The following NOL10 variants were observed in gnomAD, a reference collection of about 807,000 sequenced individuals.
NOL10 encodes the protein nucleolar protein 10.
NOL10 carries 58 observed loss-of-function variants against 103.5 expected under a neutral mutation model. The observed-to-expected ratio is 0.56, with a 90% CI of 0.45 to 0.70. NOL10 has a LOEUF of 0.70. Ranked by LOEUF, NOL10 falls within the 30% of genes least tolerant of loss-of-function variation. The pLI, the probability that NOL10 is intolerant of heterozygous loss-of-function variation, is 0.00. For missense variants in NOL10, 763 were observed against 807.3 expected (o/e 0.95, Z 0.67); for synonymous variants, 287 against 282.5 (o/e 1.02, Z -0.16).
intron 13 of NOL10, among the ~76,000 whole-genome samples, chr2:10,632,001 G>A (rs1158574091): frequency 1.3e-5 from 2 of 152,164 alleles, no homozygotes; most frequent in Non-Finnish European, 2.9e-5. Context: ...TTTAATAGTA[G>A]TAGCAGAAAA....
intron 13 of NOL10, among the ~76,000 whole-genome samples, chr2:10,624,302 G>A (rs1288877447): frequency 1.3e-5 from 2 of 151,772 alleles, no homozygotes; most frequent in Admixed American, 6.6e-5. Flanking sequence ...TCTGGTTTTC[G>A]TCGTGCCACT....
rs1295575319 is a variant in NOL10, at chr2:10,657,873, G to A, written c.775C>T (p.Arg259Ter). Residue 259 changes from arginine (R) to a stop codon, truncating the protein, a stop_gained, in exon 11 of 21, where the codon CGA becomes TGA. Transcript: ENST00000381685. LOFTEE classifies it high-confidence loss of function. ...TTGQVLLYDL[R>*]SDKPLLVKDH... ...TTAACTAGCAATGGCTTATCAGATC[G>A]AAGGTCATATAATAAAACCTGAAAA... The A allele has an allele frequency of 4.6e-6, 7 of 1,537,358 alleles. No homozygotes were observed. The highest frequency in any genetic ancestry group is 2.8e-5 in the African/African-American group (2 of 72,260).
In NOL10 at chr2:10,637,162, C is replaced by T. The variant is rs151333206; in HGVS notation, c.1026+7158G>A. ...GTTGATTGTGCTACTGCACTCTAAT[C>T]TGGGCCACGGAGCAAGACACTGTCT... On this transcript the variant is annotated intron_variant, in intron 13 of 20. Coordinates refer to ENST00000381685, the MANE Select transcript of NOL10 (RefSeq NM_024894.4). 4.7e-3 allele frequency among the ~76,000 whole-genome samples: 568 copies of T among 121,564 alleles called. 5 individuals are homozygous for T. The highest frequency in any genetic ancestry group is 0.017 in the African/African-American group (538 of 31,824). 79.8% of individuals were successfully genotyped at this position (121,564 alleles called of 152,430 possible).
chr2:10,684,722 T>C (rs1682028965), intron 1 of NOL10, 110 bp from the exon 2 acceptor site: 3 of 752,208 alleles, frequency 4.0e-6, no homozygotes, highest in African/African-American at 1.8e-5. Context: ...CATAGGAATA[T>C]ATAACATAGG....
In NOL10 at chr2:10,621,531, C is replaced by T. The variant is rs540673148; in HGVS notation, c.1027-14220G>A. ...ATCACTTGAACCCCGGAATTCAAGG[C>T]TGCAGTGAGCTGTGATCAGGACACT... On this transcript the variant is annotated intron_variant, in intron 13 of 20. Coordinates refer to ENST00000381685, the MANE Select transcript of NOL10 (RefSeq NM_024894.4). 3.7e-3 allele frequency among the ~76,000 whole-genome samples: 559 copies of T among 152,226 alleles called. 2 individuals are homozygous for T. The highest frequency in any genetic ancestry group is 5.1e-3 in the Non-Finnish European group (344 of 68,008).
intron 13 of NOL10, among the ~76,000 whole-genome samples, chr2:10,633,236 T>C (rs1677957738): frequency 6.6e-6 from 1 of 151,984 alleles, no homozygotes; most frequent in Non-Finnish European, 1.5e-5. Flanking sequence ...TACTTAGTTA[T>C]TCCGTTATTT....
At chr2:10,577,788 T>C in intron 19 of NOL10, 50 bp from the exon 20 acceptor site, 1 of 1,264,052 alleles carries the variant, frequency 7.9e-7, no homozygotes, top group East Asian at 2.4e-5. Flanking sequence ...ATGTTTTAAT[T>C]TACCATTTGA....
intron 8 of NOL10, among the ~76,000 whole-genome samples, chr2:10,663,668 C>T (rs761345174): frequency 1.1e-4 from 16 of 151,478 alleles, no homozygotes; most frequent in African/African-American, 3.9e-4. Context: ...AGAAGAATCC[C>T]GGCCAGGCGC....
intron 20 of NOL10, among the ~76,000 whole-genome samples, chr2:10,575,237 T>C (rs561528723): frequency 5.4e-4 from 83 of 152,364 alleles, no homozygotes; most frequent in East Asian, 1.9e-4. Flanking sequence ...TTTGCCACTA[T>C]ACAATTTTAA....
chr2:10,592,024 A>C (rs62128636), intron 17 of NOL10, among the ~76,000 whole-genome samples: 37 of 147,248 alleles, frequency 2.5e-4, no homozygotes, highest in Admixed American at 5.5e-4. Flanking sequence ...ACAAACAAAC[A>C]AACCAACCCA....
At chr2:10,598,257 T>G (rs1239633062) in intron 17 of NOL10, among the ~76,000 whole-genome samples, 1 of 152,216 alleles carries the variant, frequency 6.6e-6, no homozygotes, top group East Asian at 1.9e-4. Context: ...GGCGGTGTGA[T>G]GCACCGTGAA....
intron 13 of NOL10, among the ~76,000 whole-genome samples, chr2:10,615,293 T>G (rs1676773904): frequency 6.6e-6 from 1 of 152,170 alleles, no homozygotes; most frequent in Non-Finnish European, 1.5e-5. Context: ...ACTTAATATT[T>G]GAAAAGATAA....
chr2:10,643,850 C>T (rs962213679), intron 13 of NOL10, among the ~76,000 whole-genome samples: 3 of 152,202 alleles, frequency 2.0e-5, no homozygotes, highest in Non-Finnish European at 4.4e-5. Context: ...AATGTTTGAG[C>T]ATGAATTGAC....
At chr2:10,601,158 G>C (rs1192041237) in intron 16 of NOL10, among the ~76,000 whole-genome samples, 2 of 151,892 alleles carry the variant, frequency 1.3e-5, no homozygotes, top group Non-Finnish European at 2.9e-5. Context: ...CCGCCTCCCG[G>C]GTTCATGCCA....
At chr2:10,612,864 T>A (rs538906748) in intron 13 of NOL10, among the ~76,000 whole-genome samples, 20 of 152,024 alleles carry the variant, frequency 1.3e-4, no homozygotes, top group African/African-American at 4.6e-4. Flanking sequence ...ATATATTTTT[T>A]AAAAATATTA....
In NOL10 at chr2:10,606,226, C is replaced by CTT. The variant is rs58301569; in HGVS notation, c.1153+957_1153+958dup. On this transcript the variant is annotated intron_variant, in intron 14 of 20. Coordinates refer to ENST00000381685, the MANE Select transcript of NOL10 (RefSeq NM_024894.4). ...GAAACTTCTGGCAATGTACATTTAT[C>CTT]TTTTTTTTTTTTTTGCCTCAGTTTC... Among the ~76,000 whole-genome samples the CTT allele has an allele frequency of 2.6e-3, 387 of 149,500 alleles. 1 individual carries two copies. The highest frequency in any genetic ancestry group is 7.0e-3 in the Middle Eastern group (2 of 286).
chr2:10,663,146 C>T, intron 8 of NOL10, 102 bp from the exon 9 acceptor site: 1 of 813,588 alleles, frequency 1.2e-6, no homozygotes, highest in Admixed American at 2.2e-5. Context: ...GCGGGCTGAT[C>T]ACCTGAAGCC....
At chr2:10,593,706 G>C (rs77047837) in intron 17 of NOL10, among the ~76,000 whole-genome samples, 1 of 152,064 alleles carries the variant, frequency 6.6e-6, no homozygotes, top group Non-Finnish European at 1.5e-5. Flanking sequence ...CCTTTCCCAC[G>C]GAGAAGTTGC....
chr2:10,577,947 T>C (rs1486688650), intron 19 of NOL10, among the ~76,000 whole-genome samples: 3 of 152,324 alleles, frequency 2.0e-5, no homozygotes, highest in Non-Finnish European at 4.4e-5. Context: ...AAACAATGGC[T>C]GGCAAAAACA....
Sources: gnomAD v4.1 joint callset for allele counts (sites outside exome capture counted in the v4.1 genomes callset) on GRCh38, gnomAD v4.1.1 for gene constraint, MANE v1.5 for transcripts, NCBI Gene and HGNC (gene_info 2026-07-23, HGNC 2026-07-21) for gene names.